ZBTB17: variants seen among roughly 807,000 people sequenced by gnomAD.
ZBTB17 encodes the protein zinc finger and BTB domain containing 17, also known as zinc finger and BTB domain-containing protein 17.
A neutral mutation model predicts 85.1 loss-of-function variants in ZBTB17; 24 were observed. That is an observed-to-expected ratio of 0.28 (90% CI 0.20 to 0.40). ZBTB17 has a LOEUF of 0.40. Among genes scored for constraint, ZBTB17 ranks in the 10% least tolerant of loss-of-function variants. The pLI is 1.00. For missense variants in ZBTB17, 743 were observed against 1,105.1 expected (o/e 0.67, Z 4.65); for synonymous variants, 464 against 460.2 (o/e 1.01, Z -0.11).
rs1389280957 is a variant in ZBTB17 at position 15,952,193 on chromosome 1, C to G, written c.-2-3696G>C. Among the ~76,000 whole-genome samples, 1 of 152,228 alleles carries G rather than the reference C, an allele frequency of 6.6e-6. No homozygotes were observed. Among genetic ancestry groups the G allele is most frequent in the Non-Finnish European group, 1.5e-5 (1 of 68,048 alleles). On this transcript the variant is annotated intron_variant, in intron 2 of 15. Coordinates refer to ENST00000375743, the MANE Select transcript of ZBTB17 (RefSeq NM_003443.3). The surrounding 1 kb of genome is among the most constrained non-coding windows in gnomAD (Gnocchi z 4.3). ...TTTAGATGCAGACTGACCTGACCCC[C>G]ACTCACAAAGTCTTAGCTGCAATCG...
In ZBTB17 at chr1:15,943,799, T is replaced by A; in HGVS notation, c.1459+9A>T. Reference sequence around the variant, plus strand: ...GGTGTGAGGGCAGCCAGGGCAGCCCTGGCCCTACCTGAGGTGGTGAACTGC... The same window carrying A: ...GGTGTGAGGGCAGCCAGGGCAGCCCAGGCCCTACCTGAGGTGGTGAACTGC... On this transcript the variant is annotated intron_variant, in intron 10 of 15. Coordinates refer to ENST00000375743, the MANE Select transcript of ZBTB17 (RefSeq NM_003443.3). 6.2e-7 allele frequency: 1 copy of A among 1,612,382 alleles called. No individual in the cohort carries two copies. Among genetic ancestry groups the A allele is most frequent in the Non-Finnish European group, 8.5e-7 (1 of 1,179,594 alleles).
chr1:15,973,741 C>G lies in ZBTB17; in HGVS notation c.-89-616G>C, dbSNP rs949619795. ...CATCAAACTAATCACCAAATTGTGT[C>G]AATTCTATCGCTAAAACCATCTCTC... On this transcript the variant is annotated intron_variant, in intron 1 of 15. Transcript: ENST00000375743. The surrounding 1 kb of genome is among the most constrained non-coding windows in gnomAD (Gnocchi z 4.1). Among the ~76,000 whole-genome samples, 2 of 152,200 alleles carry G rather than the reference C, an allele frequency of 1.3e-5. No homozygotes were observed. Among genetic ancestry groups the G allele is most frequent in the African/African-American group, 2.4e-5 (1 of 41,446 alleles).
At chr1:15,946,067 C>A (rs1157852094) in intron 5 of ZBTB17, 87 bp downstream of exon 5, 1 of 1,595,216 alleles carries the variant, frequency 6.3e-7, no homozygotes, top group South Asian at 1.1e-5. Flanking sequence ...GCCCGTGCTA[C>A]CTGCCCCAAG....
chr1:15,975,688 G>A (rs952253273), intron 1 of ZBTB17, among the ~76,000 whole-genome samples: 3 of 152,112 alleles, frequency 2.0e-5, no homozygotes, highest in Non-Finnish European at 4.4e-5. Flanking sequence ...CCGTGCGGCG[G>A]GGGCGGAGAT....
At chr1:15,958,653 C>T (rs1570167916) in intron 2 of ZBTB17, among the ~76,000 whole-genome samples, 1 of 152,310 alleles carries the variant, frequency 6.6e-6, no homozygotes, top group Admixed American at 6.5e-5. Flanking sequence ...GTCTGAGCCC[C>T]AGCCCCTTGA....
At chr1:15,945,615 T>G (rs1234857879) in intron 6 of ZBTB17, 100 bp downstream of exon 6, 7 of 1,520,282 alleles carry the variant, frequency 4.6e-6, no homozygotes, top group African/African-American at 4.1e-5. Flanking sequence ...CAGGTGGGAC[T>G]AGCTGGAGGC....
chr1:15,949,551 ACTC>A (rs1328953723), intron 2 of ZBTB17, among the ~76,000 whole-genome samples: 2 of 151,812 alleles, frequency 1.3e-5, no homozygotes, highest in African/African-American at 4.8e-5. Context: ...TTCTCTGCCT[ACTC>A]CTCCTCTTCT....
At chr1:15,943,562 GCCCT>G in intron 11 of ZBTB17, 33 bp downstream of exon 11, 2 of 1,612,266 alleles carry the variant, frequency 1.2e-6, no homozygotes, top group Non-Finnish European at 1.7e-6. Context: ...TCCTCTCCGT[GCCCT>G]CCCAGTCCTG....
Position 15,948,421 on chromosome 1 carries a change from G to A in ZBTB17, c.75C>T (p.Asp25=). 6 of 1,614,064 alleles carry A rather than the reference G, an allele frequency of 3.7e-6. No individual in the cohort carries two copies. The highest frequency in any genetic ancestry group is 5.1e-6 in the Non-Finnish European group (6 of 1,180,054). Residue 25 remains aspartate, a synonymous_variant, in exon 3 of 16, where the codon GAC becomes GAT. Transcript: ENST00000375743. ...NQQRQLGLLC[D]CTFVVDGVHF... is the part of the protein sequence containing the mutation. ...GAACACCGTCCACCACAAAGGTGCA[G>A]TCACAGAGAAGCCCCAGCTGCCGCT...
intron 2 of ZBTB17, among the ~76,000 whole-genome samples, chr1:15,956,309 A>G (rs763003896): frequency 6.6e-5 from 10 of 152,200 alleles, no homozygotes; most frequent in Non-Finnish European, 1.2e-4. Flanking sequence ...TCTTCCTTAC[A>G]GCTGTTTATA....
chr1:15,970,241 G>T, intron 2 of ZBTB17: 1 of 436,980 alleles, frequency 2.3e-6, no homozygotes. Context: ...TATTTTTGAA[G>T]GGTGAGGAGG....
intron 2 of ZBTB17, among the ~76,000 whole-genome samples, chr1:15,968,723 A>C (rs566351701): frequency 2.0e-4 from 30 of 152,348 alleles, no homozygotes; most frequent in African/African-American, 7.2e-4. Context: ...GAACTCTCCC[A>C]GAAAACAGAA....
intron 1 of ZBTB17, among the ~76,000 whole-genome samples, chr1:15,974,119 T>C (rs924217595): frequency 6.7e-6 from 1 of 149,416 alleles, no homozygotes; most frequent in Non-Finnish European, 1.5e-5. Flanking sequence ...TGAGTTCAGA[T>C]CAAGGCTGCA....
chr1:15,942,612 C>G lies in ZBTB17; in HGVS notation c.1955G>C (p.Ser652Thr). The G allele has an allele frequency of 1.9e-6, 3 of 1,613,426 alleles. No homozygotes were observed. The highest frequency in any genetic ancestry group is 2.5e-6 in the Non-Finnish European group (3 of 1,180,048). ...ATCCACAGTGACCACGCTGACCTCA[C>G]TGCCCTCCTCGGGCTCCAGGATCTT... is the stretch of plus-strand genomic sequence containing the variant. ...GIKILEPEEGSEVSVVTVDDM... is the reference protein window; with the variant it reads ...GIKILEPEEGTEVSVVTVDDM... Residue 652 changes from serine to threonine, a missense_variant, in exon 14 of 16, where the codon AGT becomes ACT. Around this residue, in one of 4 missense-constraint regions of ZBTB17, gnomAD observed 321 missense variants for 615.7 expected, o/e 0.52. Coordinates refer to ENST00000375743, the MANE Select transcript of ZBTB17 (RefSeq NM_003443.3).
rs116395566 is a variant in ZBTB17 at position 15,968,593 on chromosome 1, C to G, written c.-3+4446G>C. Among the ~76,000 whole-genome samples, 1,429 of 152,276 alleles carry G rather than the reference C, an allele frequency of 9.4e-3. 25 individuals are homozygous for G. The highest frequency in any genetic ancestry group is 0.033 in the African/African-American group (1,367 of 41,548). ...TGGCTCAGAAAAGGCTTCCCAGAAG[C>G]ATCTGAACTTGAAGGAATTAAACAG... is the stretch of plus-strand genomic sequence containing the variant. On this transcript the variant is annotated intron_variant, in intron 2 of 15. Coordinates refer to ENST00000375743, the MANE Select transcript of ZBTB17 (RefSeq NM_003443.3).
intron 5 of ZBTB17, 145 bp downstream of exon 5, chr1:15,946,009 A>G: frequency 6.5e-7 from 1 of 1,548,132 alleles, no homozygotes; most frequent in Non-Finnish European, 8.8e-7. Flanking sequence ...GACCCCCTGG[A>G]ACACACAATA....
chr1:15,975,200 C>G (rs967091238), intron 1 of ZBTB17, among the ~76,000 whole-genome samples: 1 of 152,262 alleles, frequency 6.6e-6, no homozygotes, highest in Admixed American at 6.5e-5. Context: ...AACAAACACA[C>G]AGCATTTACT....
chr1:15,945,261 G>A (rs2071549667), intron 6 of ZBTB17, 59 bp from the exon 7 acceptor site: 6 of 1,531,104 alleles, frequency 3.9e-6, no homozygotes, highest in Middle Eastern at 1.7e-4. Flanking sequence ...CGCACGTGAG[G>A]GGCGCCGGCA....
At chr1:15,969,850 G>A (rs1265905219) in intron 2 of ZBTB17, 1 of 572,268 alleles carries the variant, frequency 1.7e-6, no homozygotes, top group Non-Finnish European at 3.3e-6. Flanking sequence ...TATCATCATG[G>A]GAATCATTTC....
Sources: gnomAD v4.1 joint callset for allele counts (sites outside exome capture counted in the v4.1 genomes callset) on GRCh38, gnomAD v4.1.1 for gene constraint, gnomAD v4.1.1 regional missense constraint, Gnocchi (gnomAD v3.1) non-coding constraint, MANE v1.5 for transcripts, NCBI Gene and HGNC (gene_info 2026-07-23, HGNC 2026-07-21) for gene names.